Variants in ARID5B observed in about 807,000 individuals in gnomAD.
The protein encoded by ARID5B is AT-rich interactive domain-containing protein 5B.
ARID5B carries 13 observed loss-of-function variants against 97.2 expected under a neutral mutation model. The ratio of observed to expected loss-of-function variants is 0.13; its 90% confidence interval spans 0.09 to 0.21. The LOEUF is 0.21. ARID5B is among the 10% of genes least tolerant of loss of function. The pLI is 1.00. For synonymous variants in ARID5B, 556 were observed against 570.3 expected (o/e 0.97, Z 0.36); for missense variants, 1,210 against 1,465.3 (o/e 0.83, Z 2.84).
chr10:62,078,314 C>A (rs1381202203), intron 8 of ARID5B, among the ~76,000 whole-genome samples: 1 of 152,080 alleles, frequency 6.6e-6, no homozygotes, highest in Non-Finnish European at 1.5e-5. Flanking sequence ...CATGGTGATA[C>A]CCTATCTCTA....
chr10:61,953,297 C>G (rs914754177), intron 3 of ARID5B, among the ~76,000 whole-genome samples: 4 of 152,116 alleles, frequency 2.6e-5, no homozygotes, highest in African/African-American at 9.7e-5. Context: ...CATAGCAGAG[C>G]TGATAATAAG....
chr10:61,908,799 C>CAAAAAAA (rs369792859), intron 2 of ARID5B, among the ~76,000 whole-genome samples: 138 of 50,736 alleles, frequency 2.7e-3, no homozygotes, highest in Non-Finnish European at 3.4e-3. Flanking sequence ...GACTCCATCT[C>CAAAAAAA]AAAAAAAAAA....
intron 7 of ARID5B, among the ~76,000 whole-genome samples, chr10:62,065,948 G>C (rs1366604442): frequency 6.6e-6 from 1 of 151,828 alleles, no homozygotes; most frequent in Non-Finnish European, 1.5e-5. Flanking sequence ...TTATAACCAG[G>C]AGGCCTGAGG....
At position 62,090,960 on chromosome 10, in the gene ARID5B, G is replaced by A. The variant is rs150051374; in HGVS notation, c.1497G>A (p.Gly499=). 187 of 1,614,032 alleles carry A rather than the reference G, an allele frequency of 1.2e-4. No individual in the cohort carries two copies. Among genetic ancestry groups the A allele is most frequent in the Non-Finnish European group, 1.5e-4 (182 of 1,180,014 alleles). The change falls in exon 10 of 10, where the codon GGG becomes GGA. Residue 499 remains glycine (G), a synonymous_variant. Coordinates refer to ENST00000279873, the MANE Select transcript of ARID5B (RefSeq NM_032199.3). ...PAADMKKKIE[G]YQEFSAKPLA... is the part of the protein sequence containing the mutation. Reference sequence around the variant, plus strand: ...CAGACATGAAGAAAAAAATAGAAGGGTATCAGGAATTTTCAGCGAAGCCCC... The same window carrying A: ...CAGACATGAAGAAAAAAATAGAAGGATATCAGGAATTTTCAGCGAAGCCCC...
intron 8 of ARID5B, among the ~76,000 whole-genome samples, chr10:62,081,843 T>C (rs1343382511): frequency 6.6e-6 from 1 of 152,212 alleles, no homozygotes; most frequent in Admixed American, 6.5e-5. Flanking sequence ...AAACCTAGTG[T>C]ACTAAGCACC....
rs965648536 is a variant in ARID5B at position 62,095,199 on chromosome 10, AG to A, written c.*2175del. 4.3e-6 allele frequency: 1 copy of A among 233,128 alleles called. No individual in the cohort carries two copies. Among genetic ancestry groups the A allele is most frequent in the Non-Finnish European group, 8.5e-6 (1 of 117,870 alleles). The allele number at this position is 233,128 out of a possible 1,614,324, so 14.4% of individuals were successfully genotyped here. A position where few individuals can be genotyped will look rare whatever the true frequency, so the allele number is the denominator to read the frequency against. ...ATTATCCTGCTATTGCACAAGCTAG[AG>A]GGGGGAAAAATCTCAATTCCAGCTG... On this transcript the variant is annotated 3_prime_UTR_variant, in exon 10 of 10. Coordinates refer to ENST00000279873, the MANE Select transcript of ARID5B (RefSeq NM_032199.3).
chr10:62,077,679 T>G (rs768016520), intron 8 of ARID5B, among the ~76,000 whole-genome samples: 1 of 152,232 alleles, frequency 6.6e-6, no homozygotes, highest in Non-Finnish European at 1.5e-5. Flanking sequence ...ATTGATAGTT[T>G]TCATCAAGCA....
intron 4 of ARID5B, chr10:62,049,364 G>C: frequency 1.3e-6 from 2 of 1,545,278 alleles, no homozygotes; most frequent in African/African-American, 2.7e-5. Context: ...CTCGCATTCG[G>C]AGGGAAGCTG....
intron 3 of ARID5B, among the ~76,000 whole-genome samples, chr10:61,941,374 T>C (rs746593380): frequency 4.6e-5 from 7 of 151,960 alleles, no homozygotes; most frequent in Non-Finnish European, 8.8e-5. Context: ...ACGAAAATTG[T>C]TGTCCTCTGA....
At chr10:61,957,482 T>A (rs949934044) in intron 3 of ARID5B, among the ~76,000 whole-genome samples, 4 of 152,216 alleles carry the variant, frequency 2.6e-5, no homozygotes, top group Non-Finnish European at 5.9e-5. Flanking sequence ...TTGGCCAGGC[T>A]GGTCTCGAAC....
chr10:62,047,780 C>T (rs1164261493), intron 4 of ARID5B, among the ~76,000 whole-genome samples: 1 of 152,194 alleles, frequency 6.6e-6, no homozygotes, highest in South Asian at 2.1e-4. Context: ...CAGATTATGA[C>T]TCTAGAGGGA....
At chr10:62,047,277 T>C (rs1839722509) in intron 4 of ARID5B, among the ~76,000 whole-genome samples, 3 of 152,206 alleles carry the variant, frequency 2.0e-5, no homozygotes, top group Non-Finnish European at 4.4e-5. Flanking sequence ...ACAGAGAAAG[T>C]GCTCAGAAAT....
In ARID5B at chr10:62,076,871, CT is replaced by C. The variant is rs1840144855; in HGVS notation, c.1199+7077del. On this transcript the variant is annotated intron_variant, in intron 8 of 9. Transcript: ENST00000279873. ...TACCCAGTCAATGGACTTGCATTTC[CT>C]TTCCCAACACTGTCTTTCTCATGGC... Among the ~76,000 whole-genome samples the C allele has an allele frequency of 3.3e-5, 5 of 152,266 alleles. No individual in the cohort carries two copies. In the South Asian group the frequency reaches 1.0e-3, roughly 32 times the overall value.
intron 2 of ARID5B, among the ~76,000 whole-genome samples, chr10:61,908,571 G>A (rs1843742596): frequency 6.6e-6 from 1 of 152,222 alleles, no homozygotes; most frequent in African/African-American, 2.4e-5. Flanking sequence ...ACTTTGAGAG[G>A]CCGAGGCAGG....
intron 2 of ARID5B, among the ~76,000 whole-genome samples, chr10:61,918,123 A>T (rs1274217576): frequency 6.6e-6 from 1 of 152,234 alleles, no homozygotes; most frequent in Non-Finnish European, 1.5e-5. Flanking sequence ...CTGAGGCCAG[A>T]CTGCAGGGGA....
At position 62,096,137 on chromosome 10, in the gene ARID5B, C is replaced by G. The variant is rs1454637107; in HGVS notation, c.*3107C>G. The G allele has an allele frequency of 4.3e-6, 1 of 233,546 alleles. No individual in the cohort carries two copies. The highest frequency in any genetic ancestry group is 8.5e-6 in the Non-Finnish European group (1 of 117,978). The allele number at this position is 233,546 out of a possible 1,614,324, so 14.5% of individuals were successfully genotyped here. A position where few individuals can be genotyped will look rare whatever the true frequency, so the allele number is the denominator to read the frequency against. On this transcript the variant is annotated 3_prime_UTR_variant, in exon 10 of 10. Coordinates refer to ENST00000279873, the MANE Select transcript of ARID5B (RefSeq NM_032199.3). Reference sequence around the variant, plus strand: ...GCCACAGGACTGACTTATTTATTTACTAGCTAGAAGCTCTTAAGTTCACTT... The same window carrying G: ...GCCACAGGACTGACTTATTTATTTAGTAGCTAGAAGCTCTTAAGTTCACTT...
At chr10:61,978,374 T>C (rs1375529440) in intron 3 of ARID5B, among the ~76,000 whole-genome samples, 2 of 152,194 alleles carry the variant, frequency 1.3e-5, no homozygotes, top group Non-Finnish European at 2.9e-5. Flanking sequence ...AACTTTAAAG[T>C]AGTTTTTTCC....
At chr10:62,011,705 C>G (rs891990365) in intron 4 of ARID5B, among the ~76,000 whole-genome samples, 11 of 152,218 alleles carry the variant, frequency 7.2e-5, no homozygotes, top group African/African-American at 2.7e-4. Context: ...CTGCACAACT[C>G]TGTAGAACTG....
rs1839871130 is a variant in ARID5B, at chr10:62,057,425, A to G, written c.1048+107A>G. The stretch of plus-strand genomic sequence containing the variant: ...TATGTTGAAATCCTAATCTGGGGAT[A>G]GTGCTCTCTGTTTATACTAAATCCA... On this transcript the variant is annotated intron_variant, in intron 6 of 9. Transcript: ENST00000279873. 6 of 1,149,028 alleles carry G rather than the reference A, an allele frequency of 5.2e-6. No homozygotes were observed. In the South Asian group the frequency reaches 7.3e-5, roughly 14 times the overall value. 71.2% of individuals were successfully genotyped at this position (1,149,028 alleles called of 1,614,324 possible). A position where few individuals can be genotyped will look rare whatever the true frequency, so the allele number is the denominator to read the frequency against.
Sources: allele counts gnomAD v4.1 joint callset (sites outside exome capture counted in the v4.1 genomes callset), GRCh38; gene constraint gnomAD v4.1.1; transcripts MANE v1.5; gene names NCBI Gene and HGNC (gene_info 2026-07-23, HGNC 2026-07-21).